Variants in SPOCK3 observed in about 807,000 individuals in gnomAD.
SPOCK3 encodes the protein testican-3.
SPOCK3 carries 30 observed loss-of-function variants against 56.6 expected under a neutral mutation model. That is an observed-to-expected ratio of 0.53 (90% CI 0.40 to 0.72). The LOEUF is 0.72. Among genes scored for constraint, SPOCK3 ranks in the 30% least tolerant of loss-of-function variants. The pLI, the probability that SPOCK3 is intolerant of heterozygous loss-of-function variation, is 0.00. For missense variants in SPOCK3, 527 were observed against 530.0 expected, an observed-to-expected ratio of 0.99 and a Z score of 0.06; for synonymous variants, 196 against 183.3, an observed-to-expected ratio of 1.07 and a Z score of -0.56.
chr4:167,035,604 C>G (rs1247907187), intron 3 of SPOCK3, among the ~76,000 whole-genome samples: 1 of 152,124 alleles, frequency 6.6e-6, no homozygotes, highest in East Asian at 1.9e-4. Flanking sequence ...CATGTGATAG[C>G]AGGCTGCTGT....
At chr4:166,905,007 G>A (rs1736463003) in intron 5 of SPOCK3, among the ~76,000 whole-genome samples, 1 of 151,902 alleles carries the variant, frequency 6.6e-6, no homozygotes, top group Non-Finnish European at 1.5e-5. Context: ...TCTGATTCCA[G>A]CATTGTAATT....
chr4:166,998,364 T>C (rs1748605576), intron 4 of SPOCK3, among the ~76,000 whole-genome samples: 1 of 152,124 alleles, frequency 6.6e-6, no homozygotes, highest in African/African-American at 2.4e-5. Flanking sequence ...TTCAATTTTA[T>C]ATATTAAGGG....
At chr4:166,982,426 G>A (rs931318353) in intron 4 of SPOCK3, among the ~76,000 whole-genome samples, 4 of 152,088 alleles carry the variant, frequency 2.6e-5, no homozygotes, top group South Asian at 2.1e-4. Flanking sequence ...GGTGGTAGGC[G>A]CCGTAGTCCC....
intron 7 of SPOCK3, among the ~76,000 whole-genome samples, chr4:166,791,038 G>C (rs1741292644): frequency 6.6e-6 from 1 of 152,036 alleles, no homozygotes. Flanking sequence ...TAAATCCAGA[G>C]ATAAGCCTGA....
chr4:166,949,443 G>T (rs939320191), intron 4 of SPOCK3, among the ~76,000 whole-genome samples: 18 of 152,240 alleles, frequency 1.2e-4, no homozygotes, highest in Middle Eastern at 3.4e-3. Context: ...CAGTTTTTCT[G>T]CTCTGTTTTT....
intron 6 of SPOCK3, among the ~76,000 whole-genome samples, chr4:166,884,024 G>A (rs1733940992): frequency 6.6e-6 from 1 of 152,038 alleles, no homozygotes; most frequent in African/African-American, 2.4e-5. Context: ...GTATCAAGAA[G>A]CAGTATATAA....
intron 4 of SPOCK3, among the ~76,000 whole-genome samples, chr4:166,916,200 C>T (rs949666625): frequency 1.3e-4 from 19 of 151,410 alleles, no homozygotes; most frequent in African/African-American, 3.4e-4. Flanking sequence ...CAGAATCATT[C>T]GTTTCAAAGA....
At chr4:166,896,673 T>G (rs1042267283) in intron 5 of SPOCK3, among the ~76,000 whole-genome samples, 1 of 152,218 alleles carries the variant, frequency 6.6e-6, no homozygotes, top group African/African-American at 2.4e-5. Flanking sequence ...CAATCCAATG[T>G]GTCAACATTC....
chr4:167,061,668 C>T lies in SPOCK3; in HGVS notation c.235+824G>A, dbSNP rs540137454. Among the ~76,000 whole-genome samples the T allele has an allele frequency of 5.3e-5, 8 of 152,062 alleles. No individual in the cohort carries two copies. The South Asian group carries it at 1.7e-3, about 32-fold the overall frequency. On this transcript the variant is annotated intron_variant, in intron 3 of 10. Transcript: ENST00000357545. The stretch of plus-strand genomic sequence containing the variant: ...ATATTGTGTCTTCATCATCTAATCA[C>T]TTACTAAACACTCTTACAAAAACTT...
At chr4:166,946,086 C>T (rs530747070) in intron 4 of SPOCK3, among the ~76,000 whole-genome samples, 4 of 152,202 alleles carry the variant, frequency 2.6e-5, no homozygotes, top group African/African-American at 9.6e-5. Flanking sequence ...ACTACGATAA[C>T]CATAGGCCCT....
chr4:167,168,829 G>A (rs902063569), intron 2 of SPOCK3, among the ~76,000 whole-genome samples: 1 of 152,100 alleles, frequency 6.6e-6, no homozygotes, highest in African/African-American at 2.4e-5. Context: ...CAGGCCCAGA[G>A]GCATAGGAGA....
chr4:167,220,416 C>T (rs1735791932), intron 2 of SPOCK3, among the ~76,000 whole-genome samples: 1 of 141,688 alleles, frequency 7.1e-6, no homozygotes, highest in African/African-American at 2.7e-5. Flanking sequence ...TCTCACTGTG[C>T]CATCCAGGCT....
At chr4:166,870,866 G>A (rs1255858409) in intron 6 of SPOCK3, among the ~76,000 whole-genome samples, 2 of 152,074 alleles carry the variant, frequency 1.3e-5, no homozygotes, top group Non-Finnish European at 2.9e-5. Context: ...GGATCATGGG[G>A]ATGGTACCCC....
At position 167,130,549 on chromosome 4, in the gene SPOCK3, A is replaced by G. The variant is rs540954288; in HGVS notation, c.190-68012T>C. Reference sequence around the variant, plus strand: ...TCATTTGTGAAAGTTAAAATAAAAAATACTATTTAATTTAGATGTTTTTGT... The same window carrying G: ...TCATTTGTGAAAGTTAAAATAAAAAGTACTATTTAATTTAGATGTTTTTGT... On this transcript the variant is annotated intron_variant, in intron 2 of 10. Transcript: ENST00000357545. 1.6e-4 allele frequency among the ~76,000 whole-genome samples: 24 copies of G among 152,262 alleles called. 1 individual carries two copies. The South Asian group carries it at 5.0e-3, about 32-fold the overall frequency.
intron 2 of SPOCK3, among the ~76,000 whole-genome samples, chr4:167,137,599 T>A (rs1329657052): frequency 6.6e-6 from 1 of 151,972 alleles, no homozygotes; most frequent in Non-Finnish European, 1.5e-5. Flanking sequence ...CACTTTAGCC[T>A]GACCTCATTC....
At chr4:166,820,373 T>C (rs935441808) in intron 6 of SPOCK3, among the ~76,000 whole-genome samples, 1 of 152,044 alleles carries the variant, frequency 6.6e-6, no homozygotes, top group Non-Finnish European at 1.5e-5. Context: ...AGTACTGGTA[T>C]AGTACAACAG....
intron 2 of SPOCK3, among the ~76,000 whole-genome samples, chr4:167,126,226 C>T (rs1012324808): frequency 2.6e-5 from 4 of 152,194 alleles, no homozygotes; most frequent in African/African-American, 9.7e-5. Context: ...CACAGTCTGA[C>T]TGGACAAGTC....
At chr4:167,015,501 T>C (rs1283149992) in intron 3 of SPOCK3, among the ~76,000 whole-genome samples, 1 of 152,168 alleles carries the variant, frequency 6.6e-6, no homozygotes, top group Non-Finnish European at 1.5e-5. Context: ...TTTCAGAAGA[T>C]TGATGTTGCT....
intron 3 of SPOCK3, among the ~76,000 whole-genome samples, chr4:167,022,878 C>G (rs577425271): frequency 6.6e-6 from 1 of 151,888 alleles, no homozygotes; most frequent in African/African-American, 2.4e-5. Flanking sequence ...AGATGATCCT[C>G]CAGGAATACA....
Sources: gnomAD v4.1 joint callset for allele counts (sites outside exome capture counted in the v4.1 genomes callset) on GRCh38, gnomAD v4.1.1 for gene constraint, MANE v1.5 for transcripts, NCBI Gene and HGNC (gene_info 2026-07-23, HGNC 2026-07-21) for gene names.